The following FAAH2 variants were observed in gnomAD, a reference collection of about 807,000 sequenced individuals.
FAAH2 encodes fatty acid amide hydrolase 2, also known as fatty-acid amide hydrolase 2.
A neutral mutation model predicts 36.9 loss-of-function variants in FAAH2; 60 were observed. That is an observed-to-expected ratio of 1.63 (90% CI 1.32 to 2.02). FAAH2 has a LOEUF of 2.02. Among genes scored for constraint, FAAH2 ranks in the 30% most tolerant of loss-of-function variants. FAAH2 has a pLI of 0.00. For synonymous variants in FAAH2, 214 were observed against 143.8 expected (o/e 1.49, Z -3.49); for missense variants, 689 against 397.5 (o/e 1.73, Z -6.23).
At chrX:57,434,622 G>A (rs1001779805) in intron 8 of FAAH2, among the ~76,000 whole-genome samples, 7 of 109,960 alleles carry the variant, frequency 6.4e-5, no homozygotes, top group African/African-American at 9.9e-5. Context: ...AATGAACAAA[G>A]CCCTTAAGAT....
intron 7 of FAAH2, among the ~76,000 whole-genome samples, chrX:57,386,305 A>T (rs2055021885): frequency 8.9e-6 from 1 of 112,016 alleles, no homozygotes; most frequent in African/African-American, 3.2e-5. Context: ...AAAAGAAGTT[A>T]TATAAGTGAA....
At position 57,320,761 on chromosome X, in the gene FAAH2, G is replaced by C. The variant is rs151081011; in HGVS notation, c.412+10032G>C. On this transcript the variant is annotated intron_variant, in intron 3 of 10. Coordinates refer to ENST00000374900, the MANE Select transcript of FAAH2 (RefSeq NM_174912.4). The stretch of plus-strand genomic sequence containing the variant: ...CACTGTTCATAAAAGCAAAGACTTG[G>C]AACCAACCCAAATGCCAATCAGTGA... 6.1e-4 allele frequency among the ~76,000 whole-genome samples: 69 copies of C among 112,370 alleles called. 1 individual carries two copies. The highest frequency in any genetic ancestry group is 2.0e-3 in the African/African-American group (61 of 30,973).
intron 5 of FAAH2, among the ~76,000 whole-genome samples, chrX:57,364,817 G>C (rs1344766618): frequency 9.0e-6 from 1 of 111,349 alleles, no homozygotes; most frequent in Non-Finnish European, 1.9e-5. Context: ...TAACCAAAAA[G>C]TCATTCAGGA....
At chrX:57,364,701 C>T (rs1366531816) in intron 5 of FAAH2, among the ~76,000 whole-genome samples, 2 of 110,674 alleles carry the variant, frequency 1.8e-5, no homozygotes, top group East Asian at 2.8e-4. Flanking sequence ...GCACTCTCCA[C>T]TTCCCTCTTA....
intron 8 of FAAH2, among the ~76,000 whole-genome samples, chrX:57,440,549 A>C (rs764553554): frequency 9.0e-6 from 1 of 111,618 alleles, no homozygotes; most frequent in African/African-American, 3.3e-5. Context: ...ATCTGCAAAC[A>C]GGGACAATTT....
intron 3 of FAAH2, among the ~76,000 whole-genome samples, chrX:57,320,441 G>T (rs1405173648): frequency 2.7e-5 from 3 of 112,516 alleles, no homozygotes; most frequent in Non-Finnish European, 5.6e-5. Flanking sequence ...CTGGTCATTA[G>T]AGAAATGCAA....
the FAAH2 span, among the ~76,000 whole-genome samples, chrX:57,195,023 A>G: frequency 9.0e-5 from 10 of 111,031 alleles, no homozygotes; most frequent in Non-Finnish European, 1.9e-4. Context: ...ATTGATGGAC[A>G]TTTGGACTGG....
intron 8 of FAAH2, among the ~76,000 whole-genome samples, chrX:57,443,755 T>G (rs750656032): frequency 8.9e-6 from 1 of 111,864 alleles, no homozygotes; most frequent in African/African-American, 3.2e-5. Context: ...TTATCTACCT[T>G]TGGTCTTTGA....
At chrX:57,485,408 C>T (rs12848390) in intron 10 of FAAH2, among the ~76,000 whole-genome samples, 58,322 of 110,108 alleles carry the variant, frequency 0.53, 13,756 homozygotes, top group Non-Finnish European at 0.73. Flanking sequence ...CCTGCAAACC[C>T]CATTTGGTGT....
intron 7 of FAAH2, among the ~76,000 whole-genome samples, chrX:57,404,213 A>G (rs1235242119): frequency 8.9e-6 from 1 of 112,278 alleles, no homozygotes; most frequent in East Asian, 2.8e-4. Context: ...AGGGTCATGG[A>G]GAAAACTTTC....
At chrX:57,314,233 C>A (rs191288069) in intron 3 of FAAH2, among the ~76,000 whole-genome samples, 7 of 111,723 alleles carry the variant, frequency 6.3e-5, no homozygotes, top group Non-Finnish European at 1.3e-4. Flanking sequence ...CACTCAGATT[C>A]ACAGAAAAAA....
chrX:57,346,207 A>G (rs2053817795), intron 5 of FAAH2, among the ~76,000 whole-genome samples: 2 of 111,315 alleles, frequency 1.8e-5, no homozygotes, highest in South Asian at 7.5e-4. Flanking sequence ...GATCTGTCTA[A>G]GGCTGTCAGT....
At chrX:57,423,886 T>A (rs1433529298) in intron 7 of FAAH2, among the ~76,000 whole-genome samples, 1 of 111,608 alleles carries the variant, frequency 9.0e-6, no homozygotes, top group African/African-American at 3.3e-5. Flanking sequence ...AGCTCAAGCT[T>A]GAACCCCACA....
intron 10 of FAAH2, among the ~76,000 whole-genome samples, chrX:57,487,441 T>C (rs753490988): frequency 1.8e-5 from 2 of 112,002 alleles, no homozygotes; most frequent in South Asian, 7.4e-4. Context: ...AATAAGACGA[T>C]AACCCAACTT....
At chrX:57,214,848 T>C in the FAAH2 span, among the ~76,000 whole-genome samples, 1 of 111,295 alleles carries the variant, frequency 9.0e-6, no homozygotes, top group South Asian at 3.7e-4. Flanking sequence ...ATTCCCTTCA[T>C]TATTTGGTAC....
intron 1 of FAAH2, among the ~76,000 whole-genome samples, chrX:57,289,308 C>G (rs927617942): frequency 8.2e-5 from 9 of 110,294 alleles, no homozygotes; most frequent in African/African-American, 3.0e-4. Context: ...TGTCTACTGT[C>G]TTTTGCTTGC....
At chrX:57,468,277 C>T (rs1223382552) in intron 10 of FAAH2, among the ~76,000 whole-genome samples, 2 of 111,734 alleles carry the variant, frequency 1.8e-5, no homozygotes, top group Non-Finnish European at 3.8e-5. Context: ...GAGAAGAAGG[C>T]TTCAGATGAT....
chrX:57,148,637 T>A, the FAAH2 span, among the ~76,000 whole-genome samples: 4 of 112,137 alleles, frequency 3.6e-5, no homozygotes, highest in African/African-American at 6.5e-5. Flanking sequence ...CTGAAGTTGC[T>A]TATCGGCTTA....
Position 57,488,963 on chromosome X carries a change from GTGTT to G in FAAH2, c.*35_*38del. On this transcript the variant is annotated 3_prime_UTR_variant, in exon 11 of 11. Transcript: ENST00000374900. The stretch of plus-strand genomic sequence containing the variant: ...CCTTCTGCAAGGTTAATGTGTGTGT[GTGTT>G]TGTGTTCGTGTGGTGGTGTTTCTAT... 1 of 1,169,687 alleles carries G rather than the reference GTGTT, an allele frequency of 8.5e-7. No individual in the cohort carries two copies. The highest frequency in any genetic ancestry group is 1.1e-6 in the Non-Finnish European group (1 of 873,506).
Sources: gnomAD v4.1 joint callset for allele counts (sites outside exome capture counted in the v4.1 genomes callset) on GRCh38, gnomAD v4.1.1 for gene constraint, MANE v1.5 for transcripts, NCBI Gene and HGNC (gene_info 2026-07-23, HGNC 2026-07-21) for gene names.